Variants in STAC observed in about 807,000 individuals in gnomAD.
The protein encoded by STAC is SH3 and cysteine-rich domain-containing protein.
Under a neutral mutation model 48.8 loss-of-function variants are expected in STAC, and 43 were observed. The observed-to-expected ratio is 0.88, with a 90% CI of 0.69 to 1.14. The LOEUF is 1.14. STAC is among the 50% of genes most tolerant of loss of function. STAC has a pLI of 0.00. For synonymous variants in STAC, 193 were observed against 179.5 expected, an observed-to-expected ratio of 1.07 and a Z score of -0.60; for missense variants, 497 against 504.0, an observed-to-expected ratio of 0.99 and a Z score of 0.13.
At chr3:36,447,929 A>G (rs1168010883) in intron 2 of STAC, among the ~76,000 whole-genome samples, 1 of 152,094 alleles carries the variant, frequency 6.6e-6, no homozygotes, top group African/African-American at 2.4e-5. Context: ...TTTCACATAG[A>G]TCCTCTCCTT....
At chr3:36,545,449 G>A (rs1398830729) in intron 10 of STAC, among the ~76,000 whole-genome samples, 1 of 152,168 alleles carries the variant, frequency 6.6e-6, no homozygotes, top group Non-Finnish European at 1.5e-5. Context: ...GTCAGGTTCT[G>A]TTTCTGGGGA....
chr3:36,456,167 C>T (rs1454822902), intron 2 of STAC, among the ~76,000 whole-genome samples: 2 of 152,076 alleles, frequency 1.3e-5, no homozygotes, highest in African/African-American at 2.4e-5. Flanking sequence ...TCAGCCTGTA[C>T]CAGATCCTTT....
chr3:36,437,586 A>C (rs868374144), intron 1 of STAC, among the ~76,000 whole-genome samples: 79 of 132,778 alleles, frequency 5.9e-4, no homozygotes, highest in African/African-American at 2.2e-3. Context: ...ATGAGAACAC[A>C]TGGACACAGG....
intron 2 of STAC, among the ~76,000 whole-genome samples, chr3:36,461,221 T>C (rs942897481): frequency 1.3e-5 from 2 of 152,224 alleles, no homozygotes; most frequent in African/African-American, 4.8e-5. Flanking sequence ...CAACTCGAAT[T>C]CTGGTAAATC....
At chr3:36,385,476 T>C (rs974480258) in intron 1 of STAC, among the ~76,000 whole-genome samples, 4 of 152,112 alleles carry the variant, frequency 2.6e-5, no homozygotes, top group Non-Finnish European at 5.9e-5. Context: ...TCAGAAAAAG[T>C]TGTATTATAG....
chr3:36,492,031 A>AAAAATATATATAT (rs1553639882), intron 5 of STAC, among the ~76,000 whole-genome samples: 1 of 16,440 alleles, frequency 6.1e-5, no homozygotes. Context: ...AAAAAAAAAA[A>AAAAATATATATAT]ATATATATAT....
chr3:36,391,818 T>C (rs1180466422), intron 1 of STAC, among the ~76,000 whole-genome samples: 1 of 152,202 alleles, frequency 6.6e-6, no homozygotes, highest in Non-Finnish European at 1.5e-5. Flanking sequence ...CTGTTTCTAA[T>C]GGCCCTCATA....
chr3:36,384,044 T>C (rs1531134), intron 1 of STAC, among the ~76,000 whole-genome samples: 25,648 of 152,216 alleles, frequency 0.17, 2,702 homozygotes, highest in Middle Eastern at 0.23. Context: ...AAGCCACTGA[T>C]GTATCATACC....
At chr3:36,520,053 C>T (rs746592419) in intron 8 of STAC, among the ~76,000 whole-genome samples, 1 of 152,110 alleles carries the variant, frequency 6.6e-6, no homozygotes, top group African/African-American at 2.4e-5. Context: ...AAAGGATATG[C>T]CAGACGGGAC....
In STAC at chr3:36,528,777, A is replaced by G. The variant is rs556587047; in HGVS notation, c.972+30A>G. 13 of 1,590,296 alleles carry G rather than the reference A, an allele frequency of 8.2e-6. No individual in the cohort carries two copies. The African/African-American group carries it at 1.2e-4, about 15-fold the overall frequency. On this transcript the variant is annotated intron_variant, in intron 9 of 10. Coordinates refer to ENST00000273183, the MANE Select transcript of STAC (RefSeq NM_003149.3). The stretch of plus-strand genomic sequence containing the variant: ...GTGTTCCTCTTTCTTTAAAAAAAAA[A>G]GAGAAAATCATTTGGTAACTATTAT...
At chr3:36,545,797 A>C (rs1477393179) in intron 10 of STAC, among the ~76,000 whole-genome samples, 2 of 152,176 alleles carry the variant, frequency 1.3e-5, no homozygotes, top group Non-Finnish European at 2.9e-5. Flanking sequence ...AGTCTGCTGA[A>C]TGATAGCTAT....
chr3:36,522,775 C>G (rs889833801), intron 8 of STAC, among the ~76,000 whole-genome samples: 1 of 152,196 alleles, frequency 6.6e-6, no homozygotes, highest in African/African-American at 2.4e-5. Flanking sequence ...GTGTCCTCAT[C>G]TGGAGGGTGT....
chr3:36,473,950 A>G (rs928959208), intron 2 of STAC, among the ~76,000 whole-genome samples: 7 of 152,236 alleles, frequency 4.6e-5, no homozygotes, highest in African/African-American at 1.7e-4. Context: ...AACTAGAAAG[A>G]GCAGCATACA....
chr3:36,497,355 G>T (rs957697057), intron 6 of STAC, among the ~76,000 whole-genome samples: 1 of 152,118 alleles, frequency 6.6e-6, no homozygotes, highest in African/African-American at 2.4e-5. Flanking sequence ...TTAAGAGAAA[G>T]AATTGTTCTA....
intron 8 of STAC, among the ~76,000 whole-genome samples, chr3:36,514,756 C>T (rs1698629009): frequency 6.6e-6 from 1 of 152,044 alleles, no homozygotes; most frequent in South Asian, 2.1e-4. Flanking sequence ...AACTGTAGGC[C>T]GGGCGCAGTG....
At chr3:36,411,692 G>A (rs536225431) in intron 1 of STAC, among the ~76,000 whole-genome samples, 5 of 152,306 alleles carry the variant, frequency 3.3e-5, no homozygotes, top group East Asian at 3.9e-4. Flanking sequence ...CCAGGTTGTA[G>A]GTCCCCTAAT....
In STAC at chr3:36,546,390, C is replaced by G; in HGVS notation, c.*101C>G. 1 of 981,944 alleles carries G rather than the reference C, an allele frequency of 1.0e-6. No homozygotes were observed. Among genetic ancestry groups the G allele is most frequent in the Non-Finnish European group, 1.6e-6 (1 of 624,326 alleles). The allele number at this position is 981,944 out of a possible 1,614,324, so 60.8% of individuals were successfully genotyped here. A position where few individuals can be genotyped will look rare whatever the true frequency, so the allele number is the denominator to read the frequency against. ...CAAAGGAGCTGCCGCACTGACCCAG[C>G]CCCCCAGGAAACAGTGAGACAAGAA... On this transcript the variant is annotated 3_prime_UTR_variant, in exon 11 of 11. Transcript: ENST00000273183.
chr3:36,437,931 G>GTTATTTATTATTATTA (rs1362673521), intron 1 of STAC, among the ~76,000 whole-genome samples: 109 of 140,568 alleles, frequency 7.8e-4, no homozygotes, highest in East Asian at 1.4e-3. Flanking sequence ...TATTCATTGA[G>GTTATTTATTATTATTA]TTATTATTAT....
At chr3:36,410,398 T>C (rs1700169821) in intron 1 of STAC, among the ~76,000 whole-genome samples, 1 of 152,192 alleles carries the variant, frequency 6.6e-6, no homozygotes. Context: ...CTAAGAGCTT[T>C]ATGAGGATTC....
Sources: gnomAD v4.1 joint callset for allele counts (sites outside exome capture counted in the v4.1 genomes callset) on GRCh38, gnomAD v4.1.1 for gene constraint, MANE v1.5 for transcripts, NCBI Gene and HGNC (gene_info 2026-07-23, HGNC 2026-07-21) for gene names.